The following N4BP2 variants were observed in gnomAD, a reference collection of about 807,000 sequenced individuals.
N4BP2 encodes NEDD4-binding protein 2.
N4BP2 carries 91 observed loss-of-function variants against 152.8 expected under a neutral mutation model. The observed-to-expected ratio is 0.60, with a 90% CI of 0.50 to 0.71. N4BP2 has a LOEUF of 0.71. Among genes scored for constraint, N4BP2 ranks in the 30% least tolerant of loss-of-function variants. N4BP2 has a pLI of 0.00. For missense variants in N4BP2, 1,923 were observed against 2,059.1 expected (o/e 0.93, Z 1.28); for synonymous variants, 646 against 705.3 (o/e 0.92, Z 1.33).
intron 12 of N4BP2, among the ~76,000 whole-genome samples, chr4:40,127,705 G>C (rs1718543096): frequency 1.3e-5 from 2 of 152,040 alleles, no homozygotes; most frequent in African/African-American, 4.8e-5. Flanking sequence ...CTGTCGCCCA[G>C]GCTGGAGTGC....
rs1456567366 is a variant in N4BP2 at position 40,141,731 on chromosome 4, G to A, written c.4786-942G>A. Among the ~76,000 whole-genome samples the A allele has an allele frequency of 5.3e-5, 8 of 152,234 alleles. No homozygotes were observed. The East Asian group carries it at 1.5e-3, about 29-fold the overall frequency. On this transcript the variant is annotated intron_variant, in intron 14 of 17. Transcript: ENST00000261435. Reference sequence around the variant, plus strand: ...ATCTCCGGCACTTTGGGAGGCCAGGGCAGGCGGCTGGGAGGTGGAGGTTGT... The same window carrying A: ...ATCTCCGGCACTTTGGGAGGCCAGGACAGGCGGCTGGGAGGTGGAGGTTGT...
chr4:40,065,855 A>G (rs558113323), intron 1 of N4BP2, among the ~76,000 whole-genome samples: 2 of 151,954 alleles, frequency 1.3e-5, no homozygotes, highest in African/African-American at 2.4e-5. Context: ...GATATGATAC[A>G]TGCGCAGTTA....
intron 14 of N4BP2, among the ~76,000 whole-genome samples, chr4:40,141,245 G>A (rs1008939249): frequency 2.0e-5 from 3 of 151,918 alleles, no homozygotes; most frequent in Non-Finnish European, 2.9e-5. Flanking sequence ...CCTCCTGGAC[G>A]GGGCGGCTGG....
chr4:40,117,520 G>A (rs914381676), intron 7 of N4BP2, among the ~76,000 whole-genome samples: 2 of 152,156 alleles, frequency 1.3e-5, no homozygotes, highest in African/African-American at 2.4e-5. Context: ...CGAGTTGAAG[G>A]CCTCAGAATT....
intron 7 of N4BP2, 102 bp from the exon 8 acceptor site, chr4:40,117,767 A>T: frequency 1.1e-6 from 1 of 918,538 alleles, no homozygotes; most frequent in Non-Finnish European, 1.6e-6. Flanking sequence ...TGATATTCGT[A>T]TCTATTAGAA....
chr4:40,103,196 T>A lies in N4BP2; in HGVS notation c.1351T>A (p.Ser451Thr). The change falls in exon 4 of 18, where the codon TCT becomes ACT. Residue 451 changes from serine to threonine, a missense_variant. Coordinates refer to ENST00000261435, the MANE Select transcript of N4BP2 (RefSeq NM_018177.6). ...VLVLLRGLPG[S>T]GKSFLARTLQ... ...TGTTCTTCTCAGAGGTCTTCCGGGA[T>A]CTGGAAAATCTTTTTTGGCAAGGTA... The A allele has an allele frequency of 6.2e-7, 1 of 1,605,152 alleles. No individual in the cohort carries two copies.
intron 16 of N4BP2, among the ~76,000 whole-genome samples, chr4:40,147,016 G>A (rs898988185): frequency 6.7e-6 from 1 of 149,872 alleles, no homozygotes; most frequent in Non-Finnish European, 1.5e-5. Context: ...AGATAAACAA[G>A]TGAACAAAGG....
At chr4:40,106,843 T>C in intron 4 of N4BP2, 57 bp from the exon 5 acceptor site, 1 of 1,518,030 alleles carries the variant, frequency 6.6e-7, no homozygotes, top group East Asian at 2.3e-5. Context: ...TTGGAAAAAT[T>C]AGGAGAGAAA....
At chr4:40,065,521 C>T (rs1057387961) in intron 1 of N4BP2, among the ~76,000 whole-genome samples, 5 of 151,950 alleles carry the variant, frequency 3.3e-5, no homozygotes, top group Admixed American at 1.3e-4. Flanking sequence ...TGACAGAGAC[C>T]AAGAAGGGCC....
At chr4:40,126,041 T>A (rs1398903884) in intron 11 of N4BP2, 93 bp from the exon 12 acceptor site, 1 of 763,154 alleles carries the variant, frequency 1.3e-6, no homozygotes, top group African/African-American at 1.8e-5. Flanking sequence ...AAAAACTGTT[T>A]CCTTGGTCTC....
chr4:40,086,197 G>A (rs896342758), intron 2 of N4BP2, among the ~76,000 whole-genome samples: 6 of 149,660 alleles, frequency 4.0e-5, no homozygotes, highest in Non-Finnish European at 8.9e-5. Flanking sequence ...TGTTGTCCAG[G>A]TCTGGTCTCG....
intron 2 of N4BP2, among the ~76,000 whole-genome samples, chr4:40,081,475 G>T (rs1230186603): frequency 6.6e-6 from 1 of 151,436 alleles, no homozygotes; most frequent in Non-Finnish European, 1.5e-5. Flanking sequence ...GTAAAACCCT[G>T]TCTCTACTAA....
At chr4:40,089,975 G>A (rs182920935) in intron 2 of N4BP2, among the ~76,000 whole-genome samples, 251 of 152,246 alleles carry the variant, frequency 1.6e-3, no homozygotes, top group African/African-American at 5.8e-3. Flanking sequence ...CTTAGGTCAA[G>A]GTTTATTTTT....
At chr4:40,098,356 T>A (rs559134881) in intron 3 of N4BP2, among the ~76,000 whole-genome samples, 101 of 152,246 alleles carry the variant, frequency 6.6e-4, no homozygotes, top group African/African-American at 2.4e-3. Context: ...TCATAGGACT[T>A]TTTTTTGGTG....
the N4BP2 span, among the ~76,000 whole-genome samples, chr4:40,182,489 C>A: frequency 1.3e-5 from 2 of 152,096 alleles, no homozygotes; most frequent in Non-Finnish European, 1.5e-5. Flanking sequence ...CTCACTTTGT[C>A]ACCCAGGCTG....
At chr4:40,068,132 T>A (rs1443230455) in intron 1 of N4BP2, among the ~76,000 whole-genome samples, 1 of 152,266 alleles carries the variant, frequency 6.6e-6, no homozygotes, top group Non-Finnish European at 1.5e-5. Flanking sequence ...GAGAAACATT[T>A]GTGCAAGTCC....
chr4:40,104,958 G>A (rs1331235873), intron 4 of N4BP2, among the ~76,000 whole-genome samples: 1 of 151,772 alleles, frequency 6.6e-6, no homozygotes, highest in Non-Finnish European at 1.5e-5. Flanking sequence ...CACTGCCACC[G>A]CGCCTGGTTA....
At chr4:40,064,305 C>T (rs903332696) in intron 1 of N4BP2, among the ~76,000 whole-genome samples, 2 of 152,016 alleles carry the variant, frequency 1.3e-5, no homozygotes, top group Non-Finnish European at 2.9e-5. Flanking sequence ...GACAGAGTCT[C>T]GCTCTGTTGT....
rs566913894 is a variant in N4BP2 at position 40,138,827 on chromosome 4, T to C, written c.4785+1745T>C. On this transcript the variant is annotated intron_variant, in intron 14 of 17. Coordinates refer to ENST00000261435, the MANE Select transcript of N4BP2 (RefSeq NM_018177.6). Reference sequence around the variant, plus strand: ...CGGCTTCTTGATTACTGTGGCTTTGTAGTAAGTTTTGAAATTGGGAAGTGT... The same window carrying C: ...CGGCTTCTTGATTACTGTGGCTTTGCAGTAAGTTTTGAAATTGGGAAGTGT... 3.9e-5 allele frequency among the ~76,000 whole-genome samples: 6 copies of C among 152,348 alleles called. No homozygotes were observed. The East Asian group carries it at 1.2e-3, about 29-fold the overall frequency.
Sources: allele counts gnomAD v4.1 joint callset (sites outside exome capture counted in the v4.1 genomes callset), GRCh38; gene constraint gnomAD v4.1.1; transcripts MANE v1.5; gene names NCBI Gene and HGNC (gene_info 2026-07-23, HGNC 2026-07-21).